The following SGMS1 variants were observed in gnomAD, a reference collection of about 807,000 sequenced individuals.
SGMS1 encodes sphingomyelin synthase 1.
In SGMS1, 13 loss-of-function variants were observed where a neutral mutation model predicts 46.2. The observed-to-expected ratio is 0.28, with a 90% CI of 0.18 to 0.45. SGMS1 has a LOEUF of 0.45. Ranked by LOEUF, SGMS1 falls within the 20% of genes least tolerant of loss-of-function variation. The pLI, the probability that SGMS1 is intolerant of heterozygous loss-of-function variation, is 1.00. For missense variants in SGMS1, 324 were observed against 519.9 expected, an observed-to-expected ratio of 0.62 and a Z score of 3.66; for synonymous variants, 203 against 187.8, an observed-to-expected ratio of 1.08 and a Z score of -0.66.
Position 50,396,758 on chromosome 10 carries a change from T to C in SGMS1, c.-232+36718A>G, listed in dbSNP as rs533987968. Reference sequence around the variant, plus strand: ...TTAGCAGTCTGTCTTCTCACATCCATCCCCACCCCACCCACAAGTGGCATT... The same window carrying C: ...TTAGCAGTCTGTCTTCTCACATCCACCCCCACCCCACCCACAAGTGGCATT... On this transcript the variant is annotated intron_variant, in intron 6 of 10. Transcript: ENST00000361781. Among the ~76,000 whole-genome samples, 4 of 152,170 alleles carry C rather than the reference T, an allele frequency of 2.6e-5. No individual in the cohort carries two copies. In the South Asian group the frequency reaches 8.3e-4, roughly 32 times the overall value.
chr10:50,337,216 A>T (rs1234416826), intron 7 of SGMS1, among the ~76,000 whole-genome samples: 1 of 152,166 alleles, frequency 6.6e-6, no homozygotes, highest in African/African-American at 2.4e-5. Context: ...AAGAACAAAC[A>T]TTTCCCAGAA....
intron 6 of SGMS1, among the ~76,000 whole-genome samples, chr10:50,429,039 T>A (rs1564911141): frequency 1.3e-5 from 2 of 152,198 alleles, no homozygotes; most frequent in Admixed American, 6.5e-5. Flanking sequence ...GTACTGAAAG[T>A]TAAAATAGAA....
chr10:50,544,479 T>C (rs560891890), intron 2 of SGMS1, among the ~76,000 whole-genome samples: 1 of 152,328 alleles, frequency 6.6e-6, no homozygotes, highest in African/African-American at 2.4e-5. Flanking sequence ...TGCATATGCC[T>C]CTCTCTCACT....
At chr10:50,611,169 G>C (rs1051536972) in intron 1 of SGMS1, among the ~76,000 whole-genome samples, 4 of 152,176 alleles carry the variant, frequency 2.6e-5, no homozygotes, top group African/African-American at 9.6e-5. Flanking sequence ...GGTCCATCTA[G>C]TCAAATGAAT....
In SGMS1 at chr10:50,546,837, G is replaced by A. The variant is rs7078085; in HGVS notation, c.-588-26916C>T. Among the ~76,000 whole-genome samples, 745 of 151,908 alleles carry A rather than the reference G, an allele frequency of 4.9e-3. 4 individuals carry two copies. The highest frequency in any genetic ancestry group is 0.015 in the African/African-American group (607 of 41,404). ...GTATACATATGTAACAAACCTTCAC[G>A]TTGTGCACATGTACCCTAAAACTTA... On this transcript the variant is annotated intron_variant, in intron 2 of 10. Transcript: ENST00000361781.
At chr10:50,597,574 C>T (rs1838606344) in intron 1 of SGMS1, among the ~76,000 whole-genome samples, 1 of 152,086 alleles carries the variant, frequency 6.6e-6, no homozygotes, top group Admixed American at 6.5e-5. Context: ...ATTATAAAGG[C>T]AGAGAACAGA....
intron 6 of SGMS1, among the ~76,000 whole-genome samples, chr10:50,415,083 T>C (rs1323092164): frequency 6.6e-6 from 1 of 152,238 alleles, no homozygotes; most frequent in African/African-American, 2.4e-5. Context: ...ATCGCGCCAC[T>C]GCACTCCAGC....
chr10:50,394,292 G>A (rs944228743), intron 6 of SGMS1, among the ~76,000 whole-genome samples: 20 of 152,182 alleles, frequency 1.3e-4, no homozygotes, highest in African/African-American at 4.6e-4. Flanking sequence ...CGTTTGTGTC[G>A]TGTTTCCTAA....
intron 6 of SGMS1, among the ~76,000 whole-genome samples, chr10:50,375,224 G>C (rs1176402905): frequency 6.6e-6 from 1 of 152,130 alleles, no homozygotes; most frequent in Non-Finnish European, 1.5e-5. Context: ...ATAAGAGGTG[G>C]GAAGGCAGAC....
chr10:50,513,905 C>T (rs962331507), intron 3 of SGMS1, among the ~76,000 whole-genome samples: 11 of 152,090 alleles, frequency 7.2e-5, no homozygotes, highest in African/African-American at 1.4e-4. Flanking sequence ...CCGAAGAAAA[C>T]GTCACACTTC....
At chr10:50,332,952 C>G (rs189347375) in intron 7 of SGMS1, among the ~76,000 whole-genome samples, 1 of 152,160 alleles carries the variant, frequency 6.6e-6, no homozygotes. Flanking sequence ...TCCCTAAACA[C>G]AAACTCAATT....
At chr10:50,427,424 T>A (rs1451004388) in intron 6 of SGMS1, among the ~76,000 whole-genome samples, 1 of 152,208 alleles carries the variant, frequency 6.6e-6, no homozygotes, top group South Asian at 2.1e-4. Flanking sequence ...GAACTTACAA[T>A]GTGTGTCAAA....
intron 2 of SGMS1, among the ~76,000 whole-genome samples, chr10:50,541,834 C>T (rs1838055683): frequency 6.6e-6 from 1 of 152,134 alleles, no homozygotes; most frequent in South Asian, 2.1e-4. Flanking sequence ...GATTTTTATT[C>T]CTGGAGCCAA....
At chr10:50,342,341 C>G (rs1847834209) in intron 7 of SGMS1, 1 of 152,202 alleles carries the variant, frequency 6.6e-6, no homozygotes, top group Admixed American at 6.5e-5. Flanking sequence ...AATTCTATTT[C>G]AGATTCAGCT....
At chr10:50,355,481 G>C (rs1265179427) in intron 6 of SGMS1, among the ~76,000 whole-genome samples, 1 of 152,196 alleles carries the variant, frequency 6.6e-6, no homozygotes, top group Non-Finnish European at 1.5e-5. Context: ...CGCCGTGTTG[G>C]CCGGGCTGGT....
chr10:50,464,069 G>A (rs373324828), intron 4 of SGMS1, among the ~76,000 whole-genome samples: 1 of 152,280 alleles, frequency 6.6e-6, no homozygotes, highest in South Asian at 2.1e-4. Flanking sequence ...TGGGTATAGA[G>A]TTTCAGTTTT....
At chr10:50,581,078 C>A (rs968053979) in intron 2 of SGMS1, among the ~76,000 whole-genome samples, 1 of 152,146 alleles carries the variant, frequency 6.6e-6, no homozygotes, top group Non-Finnish European at 1.5e-5. Context: ...ATCCCAGGGA[C>A]CAAATTTTAA....
chr10:50,562,039 T>C (rs924180444), intron 2 of SGMS1, among the ~76,000 whole-genome samples: 1 of 152,176 alleles, frequency 6.6e-6, no homozygotes, highest in African/African-American at 2.4e-5. Context: ...CAGGAGAGTA[T>C]GAAAAAATCC....
intron 7 of SGMS1, among the ~76,000 whole-genome samples, chr10:50,334,172 A>G (rs2133333162): frequency 6.6e-6 from 1 of 152,372 alleles, no homozygotes; most frequent in African/African-American, 2.4e-5. Flanking sequence ...ATGAACAAAA[A>G]CATCAACACT....
Sources: gnomAD v4.1 joint callset for allele counts (sites outside exome capture counted in the v4.1 genomes callset) on GRCh38, gnomAD v4.1.1 for gene constraint, MANE v1.5 for transcripts, NCBI Gene and HGNC (gene_info 2026-07-23, HGNC 2026-07-21) for gene names.